Variants in SUSD1 observed in about 807,000 individuals in gnomAD.
SUSD1 encodes the protein sushi domain containing 1, also known as sushi domain-containing protein 1.
SUSD1 carries 65 observed loss-of-function variants against 86.9 expected under a neutral mutation model. That is an observed-to-expected ratio of 0.75 (90% CI 0.61 to 0.92). The LOEUF (loss-of-function observed/expected upper bound fraction) is 0.92. SUSD1 is among the 40% of genes least tolerant of loss of function. The probability of loss-of-function intolerance (pLI) is 0.00; values close to 1 mark genes in which losing one functional copy is unlikely to be tolerated. For missense variants in SUSD1, 850 were observed against 929.7 expected, an observed-to-expected ratio of 0.91 and a Z score of 1.11; for synonymous variants, 346 against 350.0, an observed-to-expected ratio of 0.99 and a Z score of 0.13.
In SUSD1 at chr9:112,063,016, C is replaced by T; in HGVS notation, c.1771G>A (p.Val591Ile). ...TQITEPPLPE[V>I]EFFTVHRGPL... ...CCTCTGTGCACCGTAAAAAATTCTA[C>T]TTCCGGGAGGGGAGGCTCTGAAAAC... Residue 591 changes from valine to isoleucine, a missense_variant, in exon 13 of 17, where the codon GTA becomes ATA. Coordinates refer to ENST00000374270, the MANE Select transcript of SUSD1 (RefSeq NM_022486.5). The T allele has an allele frequency of 6.2e-7, 1 of 1,612,876 alleles. No individual in the cohort carries two copies. Among genetic ancestry groups the T allele is most frequent in the Non-Finnish European group, 8.5e-7 (1 of 1,178,992 alleles).
In SUSD1 at chr9:112,121,115, G is replaced by A. The variant is rs564959903; in HGVS notation, c.886+3142C>T. ...AAGACTGGACCCCCCTAGAGTCTTT[G>A]GTGTCAGTTACACGTTTGCCCTTGC... is the stretch of plus-strand genomic sequence containing the variant. On this transcript the variant is annotated intron_variant, in intron 6 of 16. Transcript: ENST00000374270. Among the ~76,000 whole-genome samples, 113 of 152,256 alleles carry A rather than the reference G, an allele frequency of 7.4e-4. 1 individual carries two copies. The highest frequency in any genetic ancestry group is 2.6e-3 in the African/African-American group (107 of 41,538).
chr9:112,041,288 C>T lies in SUSD1; in HGVS notation c.*204G>A, dbSNP rs1020029557. On this transcript the variant is annotated 3_prime_UTR_variant, in exon 17 of 17. Coordinates refer to ENST00000374270, the MANE Select transcript of SUSD1 (RefSeq NM_022486.5). ...CCTGTAGCAGGGAAGACTCAGAATT[C>T]CTGAGTTTTCTCCTTATGGTGACTC... The T allele has an allele frequency of 3.2e-6, 2 of 621,676 alleles. No homozygotes were observed. The highest frequency in any genetic ancestry group is 5.7e-6 in the Non-Finnish European group (2 of 348,456). 38.5% of individuals were successfully genotyped at this position (621,676 alleles called of 1,614,324 possible). A position where few individuals can be genotyped will look rare whatever the true frequency, so the allele number is the denominator to read the frequency against.
intron 5 of SUSD1, among the ~76,000 whole-genome samples, chr9:112,137,632 C>T (rs888813313): frequency 2.0e-5 from 3 of 152,104 alleles, no homozygotes; most frequent in South Asian, 2.1e-4. Flanking sequence ...GATCAAAATG[C>T]GTGTAGAGCC....
rs753616427 is a variant in SUSD1, at chr9:112,111,641, C to A, written c.1171+13G>T. 3.1e-6 allele frequency: 5 copies of A among 1,610,576 alleles called. 1 individual carries two copies. The South Asian group carries it at 5.5e-5, about 18-fold the overall frequency. ...CATTTTCTAGGAGGAAATGAGACTT[C>A]ACCTCCACCTACCAGCTGTCTGGAA... On this transcript the variant is annotated intron_variant, in intron 8 of 16. Coordinates refer to ENST00000374270, the MANE Select transcript of SUSD1 (RefSeq NM_022486.5).
At chr9:112,090,905 G>C (rs1326690170) in intron 10 of SUSD1, among the ~76,000 whole-genome samples, 1 of 152,062 alleles carries the variant, frequency 6.6e-6, no homozygotes, top group Non-Finnish European at 1.5e-5. Flanking sequence ...GAAAATGAAG[G>C]TACTAAAAAG....
intron 2 of SUSD1, among the ~76,000 whole-genome samples, chr9:112,151,571 G>A (rs1222304016): frequency 6.7e-6 from 1 of 150,036 alleles, no homozygotes; most frequent in East Asian, 2.0e-4. Flanking sequence ...CACTCCAGCT[G>A]GGCAACAAGA....
intron 10 of SUSD1, among the ~76,000 whole-genome samples, chr9:112,088,161 C>G (rs900473794): frequency 2.6e-5 from 4 of 152,162 alleles, no homozygotes; most frequent in African/African-American, 9.7e-5. Flanking sequence ...TATACAGATA[C>G]AATTCTAAAT....
At chr9:112,060,822 C>T (rs946881370) in intron 13 of SUSD1, among the ~76,000 whole-genome samples, 1 of 152,168 alleles carries the variant, frequency 6.6e-6, no homozygotes, top group Non-Finnish European at 1.5e-5. Flanking sequence ...CACCTCCATG[C>T]GGTCCATAAG....
intron 1 of SUSD1, among the ~76,000 whole-genome samples, chr9:112,174,897 G>T (rs1238747991): frequency 6.6e-6 from 1 of 151,436 alleles, no homozygotes; most frequent in Non-Finnish European, 1.5e-5. Context: ...CTTAAAACCG[G>T]CGTCCCCCGG....
At chr9:112,130,971 C>A (rs895477875) in intron 5 of SUSD1, among the ~76,000 whole-genome samples, 2 of 152,064 alleles carry the variant, frequency 1.3e-5, no homozygotes, top group African/African-American at 4.8e-5. Context: ...TGCAGTGAGC[C>A]AAGATCGCAC....
At chr9:112,146,484 G>C (rs1168732189) in intron 3 of SUSD1, among the ~76,000 whole-genome samples, 1 of 152,118 alleles carries the variant, frequency 6.6e-6, no homozygotes, top group African/African-American at 2.4e-5. Flanking sequence ...CCTAGATCTG[G>C]ATTTAGTTCC....
intron 1 of SUSD1, among the ~76,000 whole-genome samples, chr9:112,161,619 T>C (rs537096063): frequency 1.8e-4 from 27 of 152,002 alleles, no homozygotes; most frequent in Non-Finnish European, 3.7e-4. Context: ...GGTCAGGAGT[T>C]TGAGACCAGC....
At chr9:112,084,206 T>C (rs534380706) in intron 10 of SUSD1, among the ~76,000 whole-genome samples, 1 of 152,238 alleles carries the variant, frequency 6.6e-6, no homozygotes, top group African/African-American at 2.4e-5. Flanking sequence ...AGTAGCATTG[T>C]CTGTAATGAC....
chr9:112,079,716 C>A (rs551003859), intron 11 of SUSD1, among the ~76,000 whole-genome samples: 179 of 152,104 alleles, frequency 1.2e-3, no homozygotes, highest in Non-Finnish European at 2.1e-3. Context: ...TATTCTCCTG[C>A]CTCAGCCTCC....
chr9:112,163,696 T>C (rs1833663258), intron 1 of SUSD1, among the ~76,000 whole-genome samples: 1 of 151,922 alleles, frequency 6.6e-6, no homozygotes, highest in Non-Finnish European at 1.5e-5. Flanking sequence ...AGAGATTATA[T>C]AGATCCATTT....
At chr9:112,099,453 A>G (rs1830536393) in intron 9 of SUSD1, among the ~76,000 whole-genome samples, 1 of 152,164 alleles carries the variant, frequency 6.6e-6, no homozygotes, top group Non-Finnish European at 1.5e-5. Flanking sequence ...AAAAAAAACA[A>G]AAACATATGG....
chr9:112,104,048 TC>T lies in SUSD1; in HGVS notation c.1172-1764del, dbSNP rs1211566476. 6.7e-5 allele frequency among the ~76,000 whole-genome samples: 10 copies of T among 150,248 alleles called. 1 individual carries two copies. The South Asian group carries it at 8.4e-4, about 13-fold the overall frequency. ...TCGCCTGACAATTCTTCTTCTTCTC[TC>T]TCTTTTTTTAAACAGGGTCTCACTC... On this transcript the variant is annotated intron_variant, in intron 8 of 16. Transcript: ENST00000374270.
In SUSD1 at chr9:112,078,712, C is replaced by T. The variant is rs769996912; in HGVS notation, c.1579G>A (p.Gly527Ser). The T allele has an allele frequency of 1.2e-6, 2 of 1,612,242 alleles. No individual in the cohort carries two copies. The highest frequency in any genetic ancestry group is 1.7e-6 in the Non-Finnish European group (2 of 1,178,588). ...MEEMYLFHIW[G>S]QRWYQKEFAQ... ...AATTCCTTCTGATACCATCTCTGGC[C>T]CCAAATGTGGAACTGAAACATAAAA... Residue 527 changes from glycine (G) to serine (S), a missense_variant, in exon 12 of 17, where the codon GGC (glycine) becomes AGC (serine). Coordinates refer to ENST00000374270, the MANE Select transcript of SUSD1 (RefSeq NM_022486.5).
At chr9:112,137,126 A>T (rs1832299085) in intron 5 of SUSD1, among the ~76,000 whole-genome samples, 1 of 152,184 alleles carries the variant, frequency 6.6e-6, no homozygotes, top group Non-Finnish European at 1.5e-5. Flanking sequence ...AAATAATACC[A>T]ATCTATAAAA....
Sources: gnomAD v4.1 joint callset for allele counts (sites outside exome capture counted in the v4.1 genomes callset) on GRCh38, gnomAD v4.1.1 for gene constraint, MANE v1.5 for transcripts, NCBI Gene and HGNC (gene_info 2026-07-23, HGNC 2026-07-21) for gene names.